The following GNB4 variants were observed in gnomAD, a reference collection of about 807,000 sequenced individuals.
GNB4 encodes guanine nucleotide-binding protein subunit beta-4.
A neutral mutation model predicts 45.2 loss-of-function variants in GNB4; 28 were observed. That is an observed-to-expected ratio of 0.62 (90% CI 0.46 to 0.85). The LOEUF is 0.85. Among genes scored for constraint, GNB4 ranks in the 40% least tolerant of loss-of-function variants. The probability of loss-of-function intolerance (pLI) is 0.00; values close to 1 mark genes in which losing one functional copy is unlikely to be tolerated. For synonymous variants in GNB4, 132 were observed against 143.7 expected (o/e 0.92, Z 0.58); for missense variants, 321 against 425.4 (o/e 0.75, Z 2.16).
the GNB4 span, among the ~76,000 whole-genome samples, chr3:179,508,469 A>C: frequency 6.6e-6 from 1 of 152,250 alleles, no homozygotes; most frequent in Admixed American, 6.5e-5. Flanking sequence ...GTTAAAATAG[A>C]TAGCTATCTG....
intron 9 of GNB4, among the ~76,000 whole-genome samples, chr3:179,404,415 G>C (rs1714402011): frequency 6.6e-6 from 1 of 152,020 alleles, no homozygotes; most frequent in Non-Finnish European, 1.5e-5. Flanking sequence ...GTTATTTAGA[G>C]ATATGTAAGT....
At chr3:179,485,894 T>A in the GNB4 span, among the ~76,000 whole-genome samples, 1 of 151,638 alleles carries the variant, frequency 6.6e-6, no homozygotes. Flanking sequence ...GAGCCAAGAA[T>A]GTGCCACTGC....
At chr3:179,520,760 C>T in the GNB4 span, among the ~76,000 whole-genome samples, 74 of 152,214 alleles carry the variant, frequency 4.9e-4, 1 homozygote, top group African/African-American at 1.5e-3. Flanking sequence ...CATGATTGTA[C>T]CTCTCTGATC....
upstream of GNB4, among the ~76,000 whole-genome samples, chr3:179,453,262 A>G (rs1229748868): frequency 3.9e-5 from 6 of 152,214 alleles, no homozygotes; most frequent in Admixed American, 3.9e-4. Context: ...CTGGGATTAC[A>G]GGCACAAGCC....
At chr3:179,451,261 C>T (rs1298669168) in intron 1 of GNB4, 85 bp downstream of exon 1, 1 of 151,516 alleles carries the variant, frequency 6.6e-6, no homozygotes, top group Non-Finnish European at 1.5e-5. Context: ...AGGGGTGGCT[C>T]GCGGCGCCCC....
the GNB4 span, among the ~76,000 whole-genome samples, chr3:179,482,388 T>C: frequency 6.6e-6 from 1 of 152,226 alleles, no homozygotes; most frequent in Non-Finnish European, 1.5e-5. Flanking sequence ...GGGTTCTCTC[T>C]TGAGTGGTGA....
chr3:179,412,967 C>T (rs1714692991), intron 8 of GNB4, among the ~76,000 whole-genome samples: 1 of 152,008 alleles, frequency 6.6e-6, no homozygotes. Context: ...ATTGCTTCAG[C>T]TCAGGAGTTC....
the GNB4 span, among the ~76,000 whole-genome samples, chr3:179,480,498 A>G: frequency 2.6e-5 from 4 of 152,022 alleles, no homozygotes; most frequent in African/African-American, 9.7e-5. Context: ...AGCTGCCATC[A>G]TTCTCAAGGT....
At chr3:179,403,020 G>C (rs1367506086) in intron 9 of GNB4, among the ~76,000 whole-genome samples, 22 of 152,158 alleles carry the variant, frequency 1.4e-4, no homozygotes, top group Admixed American at 1.4e-3. Flanking sequence ...TAAATGTTGT[G>C]GTCCCTCAGG....
chr3:179,468,035 A>AAATATAAAAAATAT, the GNB4 span, among the ~76,000 whole-genome samples: 1 of 89,854 alleles, frequency 1.1e-5, no homozygotes, highest in Non-Finnish European at 2.4e-5. Context: ...TGTTGATAAA[A>AAATATAAAAAATAT]ATATATATAT....
At chr3:179,480,841 A>ATTTTTTTTTTTTT in the GNB4 span, among the ~76,000 whole-genome samples, 2 of 136,648 alleles carry the variant, frequency 1.5e-5, no homozygotes. Context: ...AACTGATTTC[A>ATTTTTTTTTTTTT]TTTTTTTTTT....
the GNB4 span, among the ~76,000 whole-genome samples, chr3:179,499,597 G>T: frequency 3.9e-5 from 6 of 152,170 alleles, no homozygotes; most frequent in African/African-American, 1.4e-4. Flanking sequence ...AATCCTTTGG[G>T]TATATACCCA....
the GNB4 span, among the ~76,000 whole-genome samples, chr3:179,489,003 AAAAAAAAAAAAAAAAAATATAT>A: frequency 1.4e-4 from 5 of 36,980 alleles, 1 homozygote; most frequent in Admixed American, 4.3e-4. Flanking sequence ...AAAAAAAAAA[AAAAAAAAAAAAAAAAAATATAT>A]ATATATATAT....
At position 179,419,380 on chromosome 3, in the gene GNB4, G is replaced by A. The variant is rs1560215685; in HGVS notation, c.203+19C>T. 3 of 1,338,870 alleles carry A rather than the reference G, an allele frequency of 2.2e-6. No individual in the cohort carries two copies. The highest frequency in any genetic ancestry group is 3.2e-6 in the Non-Finnish European group (3 of 929,964). 82.9% of individuals were successfully genotyped at this position (1,338,870 alleles called of 1,614,324 possible). On this transcript the variant is annotated intron_variant, in intron 4 of 9. Transcript: ENST00000232564. Reference sequence around the variant, plus strand: ...ATTCTGCAACAGTTTAAAAATGACAGGTAATGACAGGTACAAACCTGGAAT... The same window carrying A: ...ATTCTGCAACAGTTTAAAAATGACAAGTAATGACAGGTACAAACCTGGAAT...
chr3:179,433,023 T>C (rs750749741), intron 1 of GNB4, among the ~76,000 whole-genome samples: 1 of 152,114 alleles, frequency 6.6e-6, no homozygotes, highest in Non-Finnish European at 1.5e-5. Flanking sequence ...CAGTGTTCCT[T>C]AAAGTTTAAA....
chr3:179,475,770 C>T, the GNB4 span, among the ~76,000 whole-genome samples: 1 of 152,228 alleles, frequency 6.6e-6, no homozygotes, highest in African/African-American at 2.4e-5. Flanking sequence ...CCATGCCTGG[C>T]CCTGAACTCG....
chr3:179,475,526 G>A, the GNB4 span, among the ~76,000 whole-genome samples: 8 of 151,974 alleles, frequency 5.3e-5, no homozygotes, highest in African/African-American at 1.9e-4. Context: ...AGGCTGGAAT[G>A]CAATGGCGAG....
chr3:179,396,458 AAG>A lies in GNB4; in HGVS notation c.*4753_*4754del, dbSNP rs1293374876. ...GCAAGTGTTCAGATGCTTCTTTGAA[AAG>A]AAAACAATAGGATAGAGCACCATTG... On this transcript the variant is annotated 3_prime_UTR_variant, in exon 10 of 10. Coordinates refer to ENST00000232564, the MANE Select transcript of GNB4 (RefSeq NM_021629.4). 20 of 152,226 alleles carry A rather than the reference AAG, an allele frequency of 1.3e-4. No homozygotes were observed. The highest frequency in any genetic ancestry group is 4.8e-4 in the African/African-American group (20 of 41,468). 9.4% of individuals were successfully genotyped at this position (152,226 alleles called of 1,614,324 possible).
chr3:179,486,852 CTT>C, the GNB4 span, among the ~76,000 whole-genome samples: 2 of 152,228 alleles, frequency 1.3e-5, no homozygotes, highest in Non-Finnish European at 2.9e-5. Context: ...ACAAAGTTGT[CTT>C]GCCCTGTGAA....
Sources: gnomAD v4.1 joint callset for allele counts (sites outside exome capture counted in the v4.1 genomes callset) on GRCh38, gnomAD v4.1.1 for gene constraint, MANE v1.5 for transcripts, NCBI Gene and HGNC (gene_info 2026-07-23, HGNC 2026-07-21) for gene names.